Variants in SIK3 observed in about 807,000 individuals in gnomAD.
SIK3 encodes SIK family kinase 3, also known as serine/threonine-protein kinase SIK3.
A neutral mutation model predicts 144.2 loss-of-function variants in SIK3; 28 were observed. The ratio of observed to expected loss-of-function variants is 0.19; its 90% CI spans 0.14 to 0.27. The LOEUF is 0.27. SIK3 is among the 10% of genes least tolerant of loss of function. The probability of loss-of-function intolerance (pLI) is 1.00; values close to 1 mark genes in which losing one functional copy is unlikely to be tolerated. For missense variants in SIK3, 1,319 were observed against 1,776.0 expected (o/e 0.74, Z 4.62); for synonymous variants, 686 against 676.3 (o/e 1.01, Z -0.22).
At chr11:116,988,694 T>G (rs1950404562) in intron 1 of SIK3, among the ~76,000 whole-genome samples, 4 of 151,892 alleles carry the variant, frequency 2.6e-5, no homozygotes, top group Admixed American at 2.6e-4. Context: ...CTTGGGAGGC[T>G]GAGGTGGAAG....
At chr11:116,990,290 C>G (rs1270804417) in intron 1 of SIK3, among the ~76,000 whole-genome samples, 2 of 152,138 alleles carry the variant, frequency 1.3e-5, no homozygotes, top group African/African-American at 2.4e-5. Context: ...ACTGTGGAGG[C>G]CAAGAGTGTC....
At chr11:116,854,138 T>C (rs566584844) in intron 21 of SIK3, among the ~76,000 whole-genome samples, 4 of 152,128 alleles carry the variant, frequency 2.6e-5, no homozygotes, top group African/African-American at 7.2e-5. Context: ...GAAGGGAGGA[T>C]TGTTTGAGCC....
intron 1 of SIK3, among the ~76,000 whole-genome samples, chr11:116,986,769 T>C (rs1950339521): frequency 6.6e-6 from 1 of 152,110 alleles, no homozygotes; most frequent in Non-Finnish European, 1.5e-5. Context: ...AATTTCGGGG[T>C]TGGCAACTAC....
At chr11:116,930,896 G>A (rs1947569157) in intron 3 of SIK3, among the ~76,000 whole-genome samples, 1 of 151,822 alleles carries the variant, frequency 6.6e-6, no homozygotes, top group Non-Finnish European at 1.5e-5. Context: ...ATAGGTCTGG[G>A]ACAAATTTAA....
intron 4 of SIK3, among the ~76,000 whole-genome samples, chr11:116,903,602 G>C (rs1945854437): frequency 6.6e-6 from 1 of 152,060 alleles, no homozygotes; most frequent in African/African-American, 2.4e-5. Context: ...TTTTTTTGGA[G>C]ATGGAGTCTT....
rs12419336 is a variant in SIK3 at position 117,020,248 on chromosome 11, C to T, written c.274-63184G>A. 5.1e-3 allele frequency among the ~76,000 whole-genome samples: 507 copies of T among 99,532 alleles called. 9 individuals carry two copies. Among genetic ancestry groups the T allele is most frequent in the African/African-American group, 0.016 (315 of 19,574 alleles). 65.3% of individuals were successfully genotyped at this position (99,532 alleles called of 152,430 possible). On this transcript the variant is annotated intron_variant, in intron 1 of 24. Transcript: ENST00000445177. ...ATGTGTATATGTGCATATATATATA[C>T]ACATACATATATCTCCATGGTTCCT...
rs991290848 is a variant in SIK3, at chr11:117,097,752, T to C, written c.273+391A>G. ...CCCCATCCTCCGGGTCCACATTTCATATGCCCCTGCCCTCATTCCCTTATG... is the reference window on the plus strand; with the variant it reads ...CCCCATCCTCCGGGTCCACATTTCACATGCCCCTGCCCTCATTCCCTTATG... On this transcript the variant is annotated intron_variant, in intron 1 of 24. Coordinates refer to ENST00000445177, the MANE Select transcript of SIK3 (RefSeq NM_001366686.3). Among the ~76,000 whole-genome samples, 3 of 152,112 alleles carry C rather than the reference T, an allele frequency of 2.0e-5. No individual in the cohort carries two copies. The East Asian group carries it at 5.8e-4, about 29-fold the overall frequency.
At chr11:116,932,444 C>A (rs1591358437) in intron 3 of SIK3, among the ~76,000 whole-genome samples, 1 of 152,174 alleles carries the variant, frequency 6.6e-6, no homozygotes, top group East Asian at 1.9e-4. Flanking sequence ...TTCTATGTCA[C>A]TTTATCACAT....
intron 4 of SIK3, among the ~76,000 whole-genome samples, chr11:116,913,449 G>T (rs1946448711): frequency 6.6e-6 from 1 of 152,056 alleles, no homozygotes; most frequent in Non-Finnish European, 1.5e-5. Flanking sequence ...TAATAAACCA[G>T]TCTTCTCCAC....
intron 1 of SIK3, among the ~76,000 whole-genome samples, chr11:116,969,264 T>C (rs1351205772): frequency 1.7e-5 from 2 of 121,070 alleles, no homozygotes; most frequent in African/African-American, 6.6e-5. Context: ...CACTCCAGCC[T>C]GGGAGACAGA....
At chr11:116,988,337 G>T (rs899208066) in intron 1 of SIK3, among the ~76,000 whole-genome samples, 3 of 151,746 alleles carry the variant, frequency 2.0e-5, no homozygotes, top group Non-Finnish European at 4.4e-5. Context: ...AGTGAGCCGA[G>T]ATGGCGCCAC....
chr11:116,893,597 G>A (rs950574072), intron 6 of SIK3, among the ~76,000 whole-genome samples: 2 of 152,046 alleles, frequency 1.3e-5, no homozygotes, highest in Admixed American at 6.6e-5. Flanking sequence ...ACTTGAGCCT[G>A]GGAGGTCCAG....
At chr11:116,922,908 T>TC (rs1491576774) in intron 4 of SIK3, among the ~76,000 whole-genome samples, 3 of 44,696 alleles carry the variant, frequency 6.7e-5, no homozygotes, top group African/African-American at 1.9e-4. Flanking sequence ...TTCTTTTCTC[T>TC]TTTTTTTTTT....
At position 117,073,833 on chromosome 11, in the gene SIK3, C is replaced by A. The variant is rs144837708; in HGVS notation, c.273+24310G>T. ...CAAAATTGACTAACATTACAGTTAT[C>A]TCCTTACCATTAACATGTTTGCTAC... On this transcript the variant is annotated intron_variant, in intron 1 of 24. Transcript: ENST00000445177. 5.4e-3 allele frequency among the ~76,000 whole-genome samples: 815 copies of A among 152,334 alleles called. 13 individuals are homozygous for A. Among genetic ancestry groups the A allele is most frequent in the Middle Eastern group, 0.037 (11 of 294 alleles).
chr11:117,007,500 C>G (rs1194517098), intron 1 of SIK3, among the ~76,000 whole-genome samples: 1 of 152,210 alleles, frequency 6.6e-6, no homozygotes, highest in Non-Finnish European at 1.5e-5. Flanking sequence ...AAGCAACACA[C>G]CTGTACTCAT....
intron 4 of SIK3, among the ~76,000 whole-genome samples, chr11:116,915,118 C>G (rs1946548119): frequency 9.0e-6 from 1 of 110,962 alleles, no homozygotes. Context: ...TAGTAGGAAG[C>G]CATATATGTG....
intron 21 of SIK3, among the ~76,000 whole-genome samples, chr11:116,850,373 T>C (rs1942331414): frequency 6.6e-6 from 1 of 152,252 alleles, no homozygotes; most frequent in Admixed American, 6.5e-5. Flanking sequence ...TGCACAATTC[T>C]ATGCATTTGC....
chr11:116,967,437 A>G (rs759808447), intron 1 of SIK3, among the ~76,000 whole-genome samples: 228 of 152,350 alleles, frequency 1.5e-3, no homozygotes, highest in African/African-American at 5.3e-3. Flanking sequence ...TTCCTGTTGA[A>G]CAAAATCAGC....
At chr11:116,959,160 T>A (rs1949250748) in intron 1 of SIK3, among the ~76,000 whole-genome samples, 1 of 152,022 alleles carries the variant, frequency 6.6e-6, no homozygotes, top group Non-Finnish European at 1.5e-5. Context: ...TGAAACCCCA[T>A]CTCTACTAAA....
Sources: allele counts gnomAD v4.1 joint callset (sites outside exome capture counted in the v4.1 genomes callset), GRCh38; gene constraint gnomAD v4.1.1; transcripts MANE v1.5; gene names NCBI Gene and HGNC (gene_info 2026-07-23, HGNC 2026-07-21).